Variants in SETDB2 observed in about 807,000 individuals in gnomAD.
The protein encoded by SETDB2 is SET domain bifurcated histone lysine methyltransferase 2.
Under a neutral mutation model 82.5 loss-of-function variants are expected in SETDB2, and 56 were observed. The observed-to-expected ratio is 0.68, with a 90% CI of 0.55 to 0.85. SETDB2 has a LOEUF of 0.85. Ranked by LOEUF, SETDB2 falls within the 40% of genes least tolerant of loss-of-function variation. SETDB2 has a pLI of 0.00. For synonymous variants in SETDB2, 272 were observed against 284.9 expected (o/e 0.95, Z 0.46); for missense variants, 677 against 816.4 (o/e 0.83, Z 2.08).
chr13:49,452,514 T>C (rs1473051322), intron 2 of SETDB2, among the ~76,000 whole-genome samples: 1 of 152,228 alleles, frequency 6.6e-6, no homozygotes, highest in Non-Finnish European at 1.5e-5. Flanking sequence ...ATGATTAACA[T>C]TTTACATTTG....
chr13:49,460,818 A>G (rs1479939660), intron 3 of SETDB2, among the ~76,000 whole-genome samples: 1 of 152,176 alleles, frequency 6.6e-6, no homozygotes, highest in Non-Finnish European at 1.5e-5. Context: ...TTTATCAAAA[A>G]AAATTGGCAC....
chr13:49,481,747 C>T (rs1958481606), intron 8 of SETDB2, among the ~76,000 whole-genome samples: 1 of 152,178 alleles, frequency 6.6e-6, no homozygotes, highest in South Asian at 2.1e-4. Context: ...GCATGTCAGG[C>T]AAAATCCCTT....
At chr13:49,455,135 T>C (rs1253715571) in intron 2 of SETDB2, among the ~76,000 whole-genome samples, 1 of 152,214 alleles carries the variant, frequency 6.6e-6, no homozygotes, top group Non-Finnish European at 1.5e-5. Context: ...AATAACTGGC[T>C]TATTAGATTC....
intron 11 of SETDB2, among the ~76,000 whole-genome samples, chr13:49,486,309 A>AT (rs1958597401): frequency 6.6e-6 from 1 of 151,270 alleles, no homozygotes; most frequent in African/African-American, 2.4e-5. Context: ...GTCTCAAAAA[A>AT]AAAAATAAAA....
At chr13:49,488,111 A>G (rs1424676966) in intron 11 of SETDB2, 179 bp from the exon 12 acceptor site, 1 of 509,920 alleles carries the variant, frequency 2.0e-6, no homozygotes, top group African/African-American at 2.1e-5. Flanking sequence ...ATTGTGGGTC[A>G]GATGAATTCC....
chr13:49,450,966 AAATTT>A (rs147195799), intron 1 of SETDB2, among the ~76,000 whole-genome samples: 17,035 of 150,580 alleles, frequency 0.11, 1,060 homozygotes, highest in Admixed American at 0.17. Flanking sequence ...ATTTTTATTA[AAATTT>A]AATTATTAAA....
At chr13:49,449,694 C>G (rs1179794588) in intron 1 of SETDB2, among the ~76,000 whole-genome samples, 2 of 152,074 alleles carry the variant, frequency 1.3e-5, no homozygotes, top group Admixed American at 1.3e-4. Context: ...TTCTACTTTG[C>G]TTTCTCTCAT....
chr13:49,485,619 G>T lies in SETDB2; in HGVS notation c.1483-11G>T. 2 of 1,606,546 alleles carry T rather than the reference G, an allele frequency of 1.2e-6. No individual in the cohort carries two copies. Among genetic ancestry groups the T allele is most frequent in the Non-Finnish European group, 1.7e-6 (2 of 1,175,868 alleles). On this transcript the variant is annotated splice_polypyrimidine_tract_variant and intron_variant, in intron 10 of 13. Transcript: ENST00000611815. ...CCTGGAAAGTAAAGACATCTTCCTTGTTTTTTTAAGGAATTTGTTTCCTCG... is the reference window on the plus strand; with the variant it reads ...CCTGGAAAGTAAAGACATCTTCCTTTTTTTTTTAAGGAATTTGTTTCCTCG...
chr13:49,483,186 G>T (rs1958513362), intron 9 of SETDB2, among the ~76,000 whole-genome samples: 1 of 152,054 alleles, frequency 6.6e-6, no homozygotes, highest in East Asian at 1.9e-4. Context: ...CTTTAGTCAG[G>T]TTTTTTATGG....
intron 2 of SETDB2, among the ~76,000 whole-genome samples, chr13:49,454,364 G>A (rs761412807): frequency 3.9e-4 from 60 of 152,118 alleles, no homozygotes; most frequent in Non-Finnish European, 6.6e-4. Context: ...AGCTGAGATT[G>A]TGCCACTGTA....
chr13:49,455,242 G>A (rs1213467336), intron 2 of SETDB2, among the ~76,000 whole-genome samples: 1 of 152,166 alleles, frequency 6.6e-6, no homozygotes, highest in Non-Finnish European at 1.5e-5. Flanking sequence ...GAAGAAGGAA[G>A]AGTATTTCAA....
Position 49,457,305 on chromosome 13 carries a change from CATTTT to C in SETDB2, c.17-2800_17-2796del, listed in dbSNP as rs545379760. ...TACTCTGTTTACTTTTTAAATGACT[CATTTT>C]AAGTATTTCCTACCAGAATAATTTA... On this transcript the variant is annotated intron_variant, in intron 2 of 13. Coordinates refer to ENST00000611815, the MANE Select transcript of SETDB2 (RefSeq NM_001160308.3). Among the ~76,000 whole-genome samples the C allele has an allele frequency of 2.9e-5, 4 of 139,860 alleles. No individual in the cohort carries two copies. The South Asian group carries it at 8.9e-4, about 31-fold the overall frequency. The allele number at this position is 139,860 out of a possible 152,430, so 91.8% of individuals were successfully genotyped here. A position where few individuals can be genotyped will look rare whatever the true frequency, so the allele number is the denominator to read the frequency against.
At chr13:49,488,048 A>T (rs1347159244) in intron 11 of SETDB2, among the ~76,000 whole-genome samples, 1 of 152,258 alleles carries the variant, frequency 6.6e-6, no homozygotes, top group African/African-American at 2.4e-5. Flanking sequence ...TAGTAGAAAG[A>T]AGGCAGACTT....
chr13:49,465,382 A>C (rs1040605544), intron 4 of SETDB2, among the ~76,000 whole-genome samples: 3 of 152,138 alleles, frequency 2.0e-5, no homozygotes, highest in African/African-American at 7.2e-5. Context: ...ACTATGCTTG[A>C]TATACATTTG....
At position 49,484,034 on chromosome 13, in the gene SETDB2, G is replaced by A. The variant is rs531994836; in HGVS notation, c.1482+471G>A. Among the ~76,000 whole-genome samples, 6 of 152,258 alleles carry A rather than the reference G, an allele frequency of 3.9e-5. No homozygotes were observed. In the South Asian group the frequency reaches 1.2e-3, roughly 32 times the overall value. On this transcript the variant is annotated intron_variant, in intron 10 of 13. Coordinates refer to ENST00000611815, the MANE Select transcript of SETDB2 (RefSeq NM_001160308.3). ...TTTTATTGTTTTGGAATGGTGGACGGTGGAAATGCTAGGACCATGTTCTGT... is the reference window on the plus strand; with the variant it reads ...TTTTATTGTTTTGGAATGGTGGACGATGGAAATGCTAGGACCATGTTCTGT...
At chr13:49,475,982 A>G (rs778789019) in intron 5 of SETDB2, among the ~76,000 whole-genome samples, 1 of 152,072 alleles carries the variant, frequency 6.6e-6, no homozygotes, top group Non-Finnish European at 1.5e-5. Flanking sequence ...GTTTTTTTGC[A>G]TGCAAAGAGC....
Position 49,493,062 on chromosome 13 carries a change from T to A in SETDB2, c.*1213T>A, listed in dbSNP as rs1958743194. On this transcript the variant is annotated 3_prime_UTR_variant, in exon 14 of 14. Transcript: ENST00000611815. ...GCATGATTTGCAAATCTTTTTTTTTTACAGAAAAAAGGCAAAGAGTAAGCA... is the reference window on the plus strand; with the variant it reads ...GCATGATTTGCAAATCTTTTTTTTTAACAGAAAAAAGGCAAAGAGTAAGCA... 6.6e-6 allele frequency: 1 copy of A among 151,702 alleles called. No individual in the cohort carries two copies. Among genetic ancestry groups the A allele is most frequent in the South Asian group, 2.1e-4 (1 of 4,808 alleles). 9.4% of individuals were successfully genotyped at this position (151,702 alleles called of 1,614,324 possible).
At chr13:49,467,676 C>T (rs1958144700) in intron 4 of SETDB2, among the ~76,000 whole-genome samples, 188 bp from the exon 5 acceptor site, 1 of 152,164 alleles carries the variant, frequency 6.6e-6, no homozygotes, top group South Asian at 2.1e-4. Flanking sequence ...AGTATTTTAT[C>T]CTAGTTTATT....
intron 5 of SETDB2, among the ~76,000 whole-genome samples, chr13:49,474,440 T>C (rs1480501271): frequency 6.6e-6 from 1 of 152,220 alleles, no homozygotes; most frequent in Non-Finnish European, 1.5e-5. Context: ...ATGAAATAAC[T>C]AACCCATTTG....
Sources: gnomAD v4.1 joint callset for allele counts (sites outside exome capture counted in the v4.1 genomes callset) on GRCh38, gnomAD v4.1.1 for gene constraint, MANE v1.5 for transcripts, NCBI Gene and HGNC (gene_info 2026-07-23, HGNC 2026-07-21) for gene names.